Variants in GRIA4 observed in about 807,000 individuals in gnomAD.
GRIA4 encodes glutamate ionotropic receptor AMPA type subunit 4, also known as glutamate receptor 4.
Under a neutral mutation model 104.0 loss-of-function variants are expected in GRIA4, and 34 were observed. The observed-to-expected ratio is 0.33, with a 90% CI of 0.25 to 0.44. GRIA4 has a LOEUF of 0.44. Among genes scored for constraint, GRIA4 ranks in the 20% least tolerant of loss-of-function variants. The pLI is 1.00. For missense variants in GRIA4, 750 were observed against 1,096.5 expected (o/e 0.68, Z 4.46); for synonymous variants, 386 against 381.9 (o/e 1.01, Z -0.13).
chr11:105,951,645 AT>A (rs200124705), intron 14 of GRIA4, among the ~76,000 whole-genome samples: 11 of 151,646 alleles, frequency 7.3e-5, no homozygotes, highest in African/African-American at 9.7e-5. Context: ...ATCTTTTCAC[AT>A]TTTTTTTTAA....
At chr11:105,623,048 C>A (rs988063721) in intron 3 of GRIA4, among the ~76,000 whole-genome samples, 4 of 112,872 alleles carry the variant, frequency 3.5e-5, no homozygotes, top group African/African-American at 1.4e-4. Context: ...AAGTAGTATT[C>A]CATTGTATAT....
At chr11:105,943,272 T>A (rs1463676208) in intron 14 of GRIA4, among the ~76,000 whole-genome samples, 1 of 152,108 alleles carries the variant, frequency 6.6e-6, no homozygotes, top group African/African-American at 2.4e-5. Flanking sequence ...TAAATGCAGG[T>A]CTTGTATGCC....
At chr11:105,675,970 A>G (rs1263866595) in intron 3 of GRIA4, among the ~76,000 whole-genome samples, 1 of 151,830 alleles carries the variant, frequency 6.6e-6, no homozygotes, top group Non-Finnish European at 1.5e-5. Flanking sequence ...AAACATTACA[A>G]TGTTTTCAAT....
At chr11:105,710,027 A>G (rs564407607) in intron 3 of GRIA4, among the ~76,000 whole-genome samples, 2 of 152,264 alleles carry the variant, frequency 1.3e-5, no homozygotes, top group African/African-American at 2.4e-5. Flanking sequence ...AAGATTCTCA[A>G]TTCATCAGTA....
Position 105,980,253 on chromosome 11 carries a change from A to G in GRIA4, c.*514A>G, listed in dbSNP as rs927979007. 2.6e-5 allele frequency: 3 copies of G among 113,364 alleles called. No homozygotes were observed. The highest frequency in any genetic ancestry group is 9.7e-5 in the African/African-American group (3 of 31,048). 7.0% of individuals were successfully genotyped at this position (113,364 alleles called of 1,614,324 possible). On this transcript the variant is annotated 3_prime_UTR_variant, in exon 17 of 17. Transcript: ENST00000282499. ...AGAAAATAATGAACAAACATGTAAA[A>G]CCTGTGGGAAAAAAAAATAAAGGAA...
intron 14 of GRIA4, among the ~76,000 whole-genome samples, chr11:105,952,794 A>C (rs1329643762): frequency 1.3e-5 from 2 of 152,224 alleles, no homozygotes; most frequent in African/African-American, 2.4e-5. Flanking sequence ...TCAAGTGCTC[A>C]TTGCAAATCA....
intron 15 of GRIA4, among the ~76,000 whole-genome samples, chr11:105,972,356 C>G (rs939451492): frequency 1.3e-5 from 2 of 152,070 alleles, no homozygotes; most frequent in African/African-American, 4.8e-5. Context: ...GAGGCAAAGA[C>G]TTCATGAAAT....
chr11:105,938,996 A>G (rs1948119195), intron 14 of GRIA4, among the ~76,000 whole-genome samples: 1 of 152,192 alleles, frequency 6.6e-6, no homozygotes, highest in East Asian at 1.9e-4. Flanking sequence ...TAATTAAAAG[A>G]TAACTAAAAT....
At chr11:105,891,614 T>C (rs1946456852) in intron 6 of GRIA4, among the ~76,000 whole-genome samples, 1 of 152,168 alleles carries the variant, frequency 6.6e-6, no homozygotes, top group Non-Finnish European at 1.5e-5. Flanking sequence ...AGGAGGTGTT[T>C]ACCCCACCCA....
chr11:105,668,675 G>GTTTTTTTTTTTTTTTTTTTTTTTT (rs368844903), intron 3 of GRIA4, among the ~76,000 whole-genome samples: 3 of 121,450 alleles, frequency 2.5e-5, no homozygotes. Flanking sequence ...ATTATCTTTT[G>GTTTTTTTTTTTTTTTTTTTTTTTT]TCTTTTTTTT....
chr11:105,774,555 A>C (rs1383453057), intron 4 of GRIA4, among the ~76,000 whole-genome samples: 1 of 152,188 alleles, frequency 6.6e-6, no homozygotes, highest in Admixed American at 6.5e-5. Context: ...TTTGAGGCTA[A>C]TAAAAAGATG....
chr11:105,754,004 T>C (rs1940161260), intron 4 of GRIA4, among the ~76,000 whole-genome samples: 1 of 152,150 alleles, frequency 6.6e-6, no homozygotes, highest in African/African-American at 2.4e-5. Context: ...CTACATTATG[T>C]AGGCATAATT....
At chr11:105,894,168 C>A (rs1040342233) in intron 6 of GRIA4, among the ~76,000 whole-genome samples, 2 of 152,094 alleles carry the variant, frequency 1.3e-5, no homozygotes, top group African/African-American at 4.8e-5. Flanking sequence ...AAAGTGTGGG[C>A]TTTTCGAGGG....
chr11:105,672,388 C>A (rs1591539044), intron 3 of GRIA4, among the ~76,000 whole-genome samples: 1 of 152,040 alleles, frequency 6.6e-6, no homozygotes, highest in East Asian at 1.9e-4. Flanking sequence ...AAAGCTAAGG[C>A]AAGAACACTT....
At chr11:105,806,421 G>C (rs1340432684) in intron 4 of GRIA4, among the ~76,000 whole-genome samples, 1 of 151,824 alleles carries the variant, frequency 6.6e-6, no homozygotes, top group Admixed American at 6.6e-5. Flanking sequence ...CAGTTTCCTT[G>C]AAAAGAAGAC....
intron 4 of GRIA4, among the ~76,000 whole-genome samples, chr11:105,814,568 T>C (rs1296358832): frequency 1.3e-5 from 2 of 152,132 alleles, no homozygotes; most frequent in African/African-American, 2.4e-5. Context: ...AGTAAAGCAA[T>C]TGTAGGATCT....
At chr11:105,657,086 G>C (rs932157049) in intron 3 of GRIA4, among the ~76,000 whole-genome samples, 2 of 151,870 alleles carry the variant, frequency 1.3e-5, no homozygotes, top group African/African-American at 4.8e-5. Context: ...AAATCTTTCA[G>C]TCTAATAAAG....
intron 4 of GRIA4, among the ~76,000 whole-genome samples, chr11:105,764,449 T>C (rs1170900616): frequency 6.6e-6 from 1 of 152,220 alleles, no homozygotes; most frequent in South Asian, 2.1e-4. Context: ...AGTTATTTCA[T>C]GTTGTGAAGT....
chr11:105,831,204 C>A lies in GRIA4; in HGVS notation c.488-30820C>A, dbSNP rs373115536. ...GTTGGTATCAGCTCTCAGCTGGTAT[C>A]TCCACTGGGTCTATTAACCAATATT... On this transcript the variant is annotated intron_variant, in intron 4 of 16. Transcript: ENST00000282499. Among the ~76,000 whole-genome samples, 87 of 152,122 alleles carry A rather than the reference C, an allele frequency of 5.7e-4. No homozygotes were observed. The South Asian group carries it at 0.017, about 29-fold the overall frequency.
Sources: allele counts gnomAD v4.1 joint callset (sites outside exome capture counted in the v4.1 genomes callset), GRCh38; gene constraint gnomAD v4.1.1; transcripts MANE v1.5; gene names NCBI Gene and HGNC (gene_info 2026-07-23, HGNC 2026-07-21).